The following OPRM1 variants were observed in gnomAD, a reference collection of about 807,000 sequenced individuals.
OPRM1 encodes the protein opioid receptor mu 1.
Under a neutral mutation model 31.8 loss-of-function variants are expected in OPRM1, and 27 were observed. That is an observed-to-expected ratio of 0.85 (90% CI 0.63 to 1.17). The LOEUF is 1.17. Among genes scored for constraint, OPRM1 ranks in the 50% most tolerant of loss-of-function variants. The probability of loss-of-function intolerance (pLI) is 0.00; values close to 1 mark genes in which losing one functional copy is unlikely to be tolerated. For synonymous variants in OPRM1, 196 were observed against 189.9 expected (o/e 1.03, Z -0.26); for missense variants, 536 against 511.1 (o/e 1.05, Z -0.47).
intron 3 of OPRM1, among the ~76,000 whole-genome samples, chr6:154,117,514 T>TAC (rs2128523637): frequency 6.6e-6 from 1 of 152,224 alleles, no homozygotes; most frequent in East Asian, 1.9e-4. Context: ...CAGACTGCAG[T>TAC]ACACACACAG....
chr6:154,136,992 CTATT>C (rs1391087147), downstream of OPRM1, among the ~76,000 whole-genome samples: 5 of 152,154 alleles, frequency 3.3e-5, no homozygotes, highest in African/African-American at 1.2e-4. Flanking sequence ...CAAGTATGGA[CTATT>C]TATGGTCATT....
chr6:154,133,237 A>C (rs758046153), downstream of OPRM1, among the ~76,000 whole-genome samples: 1 of 152,230 alleles, frequency 6.6e-6, no homozygotes, highest in African/African-American at 2.4e-5. Context: ...CTATGTCCCT[A>C]TATGTAAAAA....
chr6:154,118,363 G>A (rs1797089715), intron 3 of OPRM1, among the ~76,000 whole-genome samples: 1 of 152,014 alleles, frequency 6.6e-6, no homozygotes, highest in South Asian at 2.1e-4. Flanking sequence ...GAGGAAGAGG[G>A]TAAAAAAAGG....
Position 154,129,150 on chromosome 6 carries a change from G to T in OPRM1, c.*10429G>T, listed in dbSNP as rs1797749794. On this transcript the variant is annotated 3_prime_UTR_variant, in exon 4 of 4. Transcript: ENST00000330432. ...TACACAATTTCTGTCCCTTTTAAGG[G>T]CTCACAACACTAGATTTCACATGAA... Among the ~76,000 whole-genome samples, 1 of 152,104 alleles carries T rather than the reference G, an allele frequency of 6.6e-6. No homozygotes were observed. Among genetic ancestry groups the T allele is most frequent in the Middle Eastern group, 3.2e-3 (1 of 316 alleles).
rs5881063 is a variant in OPRM1, at chr6:154,097,586, CGTGT to C, written c.1164+6134_1164+6137del. On this transcript the variant is annotated intron_variant, in intron 3 of 3. Coordinates refer to ENST00000330432, the MANE Select transcript of OPRM1 (RefSeq NM_000914.5). Reference sequence around the variant, plus strand: ...CTACAGTTTAAAAAGAAAATGGTTCCGTGTGTGTGTGTGTGTGTGTGTGCGTGTG... The same window carrying C: ...CTACAGTTTAAAAAGAAAATGGTTCCGTGTGTGTGTGTGTGTGTGCGTGTG... Among the ~76,000 whole-genome samples the C allele has an allele frequency of 1.5e-3, 219 of 149,718 alleles. 1 individual carries two copies. The highest frequency in any genetic ancestry group is 4.3e-3 in the African/African-American group (176 of 40,838).
intron 3 of OPRM1, among the ~76,000 whole-genome samples, chr6:154,144,608 TGTG>T (rs1798311483): frequency 1.3e-5 from 2 of 150,940 alleles, no homozygotes; most frequent in Admixed American, 6.6e-5. Context: ...ATTAGCTGGG[TGTG>T]GTGGTGGGTG....
chr6:154,086,866 G>A lies in OPRM1; in HGVS notation c.291-2960G>A, dbSNP rs115429619. ...TAGCAAAAGTTATTTTCTCTTTTGG[G>A]GAGAAACTTCTTCTTATTAAAAAAA... On this transcript the variant is annotated intron_variant, in intron 1 of 3. Transcript: ENST00000330432. 3,120 of 983,814 alleles carry A rather than the reference G, an allele frequency of 3.2e-3. 70 individuals are homozygous for A. In the African/African-American group the frequency reaches 0.049, roughly 15 times the overall value. 60.9% of individuals were successfully genotyped at this position (983,814 alleles called of 1,614,324 possible).
Position 154,131,723 on chromosome 6 carries a change from C to T in OPRM1, c.*13002C>T, listed in dbSNP as rs568075151. 1.3e-5 allele frequency among the ~76,000 whole-genome samples: 2 copies of T among 152,132 alleles called. No homozygotes were observed. Among genetic ancestry groups the T allele is most frequent in the African/African-American group, 4.8e-5 (2 of 41,496 alleles). The stretch of plus-strand genomic sequence containing the variant: ...ACCTTTCAAAACATGGTATGAAATC[C>T]ACAGTTGTAACAGTGAGCACAACAT... On this transcript the variant is annotated 3_prime_UTR_variant, in exon 4 of 4. Transcript: ENST00000330432.
chr6:154,109,767 C>CCTCTCTCTCTCTCTCT (rs60360261), intron 3 of OPRM1, among the ~76,000 whole-genome samples: 1 of 127,476 alleles, frequency 7.8e-6, no homozygotes, highest in African/African-American at 3.0e-5. Context: ...ACTCTCTCTC[C>CCTCTCTCTCTCTCTCT]CTCTCTCTCT....
chr6:154,177,942 T>A (rs561785859), intron 3 of OPRM1, among the ~76,000 whole-genome samples: 1 of 152,284 alleles, frequency 6.6e-6, no homozygotes, highest in South Asian at 2.1e-4. Context: ...ATATACACCA[T>A]GGGATACTAC....
At chr6:154,202,688 A>C (rs1777167331) in intron 3 of OPRM1, among the ~76,000 whole-genome samples, 1 of 152,126 alleles carries the variant, frequency 6.6e-6, no homozygotes, top group Non-Finnish European at 1.5e-5. Context: ...GAACCTCAAA[A>C]CTCTGCTTAA....
rs932396519 is a variant in OPRM1 at position 154,029,852 on chromosome 6, G to A, written c.1-9309G>A. On this transcript the variant is annotated intron_variant, in intron 1 of 5. Transcript: ENST00000434900. Reference sequence around the variant, plus strand: ...CCTTTGCTCTCCACTTCTCCTTGCCGCTGCCATGTGAAGAAGGACATGTTT... The same window carrying A: ...CCTTTGCTCTCCACTTCTCCTTGCCACTGCCATGTGAAGAAGGACATGTTT... Among the ~76,000 whole-genome samples, 9 of 152,096 alleles carry A rather than the reference G, an allele frequency of 5.9e-5. No individual in the cohort carries two copies. In the East Asian group the frequency reaches 7.7e-4, roughly 13 times the overall value.
chr6:154,148,584 C>T (rs148869132), intron 3 of OPRM1, among the ~76,000 whole-genome samples: 36 of 152,292 alleles, frequency 2.4e-4, no homozygotes, highest in East Asian at 9.6e-4. Context: ...CTGAAAGGGA[C>T]GCTCTCTGGT....
At chr6:154,084,420 CAG>C (rs1789992809) in intron 1 of OPRM1, among the ~76,000 whole-genome samples, 1 of 150,498 alleles carries the variant, frequency 6.6e-6, no homozygotes, top group African/African-American at 2.5e-5. Context: ...AACAGACAGA[CAG>C]ACACACACAC....
chr6:154,092,763 T>G (rs1241846698), intron 3 of OPRM1, among the ~76,000 whole-genome samples: 2 of 152,160 alleles, frequency 1.3e-5, no homozygotes, highest in Non-Finnish European at 2.9e-5. Flanking sequence ...ACATTAATCC[T>G]CATACCCCTG....
rs71740914 is a variant in OPRM1, at chr6:154,099,454, GAGAAAGAA to G, written c.1164+7992_1164+7999del. 6.7e-3 allele frequency among the ~76,000 whole-genome samples: 952 copies of G among 142,728 alleles called. 9 individuals carry two copies. Among genetic ancestry groups the G allele is most frequent in the African/African-American group, 0.024 (898 of 37,528 alleles). The allele number at this position is 142,728 out of a possible 152,430, so 93.6% of individuals were successfully genotyped here. On this transcript the variant is annotated intron_variant, in intron 3 of 3. Transcript: ENST00000330432. Reference sequence around the variant, plus strand: ...AGAGGGAGGGAGGAAGAAAGAAAGAGAGAAAGAAAGAAAGAAAAAGAAAGAAAGAAAGA... The same window carrying G: ...AGAGGGAGGGAGGAAGAAAGAAAGAGAGAAAGAAAAAGAAAGAAAGAAAGA...
chr6:154,017,169 C>CT lies in OPRM1; in HGVS notation c.-1+6154dup, dbSNP rs565090232. Among the ~76,000 whole-genome samples the CT allele has an allele frequency of 2.1e-4, 32 of 152,246 alleles. No homozygotes were observed. The East Asian group carries it at 6.0e-3, about 28-fold the overall frequency. On this transcript the variant is annotated intron_variant, in intron 1 of 5. Coordinates refer to the OPRM1 transcript ENST00000434900. ...CTCTTCCTTCTCACACCCCATCTTTCTTTCCTCCCTCTGCAACATAAGCTC... is the reference window on the plus strand; with the variant it reads ...CTCTTCCTTCTCACACCCCATCTTTCTTTTCCTCCCTCTGCAACATAAGCTC...
At chr6:154,229,578 G>A (rs1387411585) in intron 3 of OPRM1, among the ~76,000 whole-genome samples, 1 of 151,526 alleles carries the variant, frequency 6.6e-6, no homozygotes. Context: ...GGACGGTCTC[G>A]ATCTCCTGAC....
chr6:154,197,908 G>C lies in OPRM1; in HGVS notation c.1165-48785G>C, dbSNP rs376348598. Among the ~76,000 whole-genome samples the C allele has an allele frequency of 3.3e-5, 5 of 152,284 alleles. No homozygotes were observed. In the East Asian group the frequency reaches 7.7e-4, roughly 23 times the overall value. ...AAGCGTTTGTAGGAGAAAAATAATA[G>C]ATGTAGTACTTTTTATTATTTTCTT... On this transcript the variant is annotated intron_variant, in intron 3 of 3. Transcript: ENST00000337049.
Sources: allele counts gnomAD v4.1 joint callset (sites outside exome capture counted in the v4.1 genomes callset), GRCh38; gene constraint gnomAD v4.1.1; transcripts MANE v1.5; gene names NCBI Gene and HGNC (gene_info 2026-07-23, HGNC 2026-07-21).